Variants in ASTN2 observed in about 807,000 individuals in gnomAD.
The protein encoded by ASTN2 is astrotactin 2.
Under a neutral mutation model 139.8 loss-of-function variants are expected in ASTN2, and 54 were observed. That is an observed-to-expected ratio of 0.39 (90% CI 0.31 to 0.48). The LOEUF (loss-of-function observed/expected upper bound fraction) is 0.48, where lower values mean the gene tolerates loss of function less well. Ranked by LOEUF, ASTN2 falls within the 20% of genes least tolerant of loss-of-function variation. ASTN2 has a pLI of 0.95. For missense variants in ASTN2, 1,565 were observed against 1,725.1 expected, an observed-to-expected ratio of 0.91 and a Z score of 1.64; for synonymous variants, 756 against 719.5, an observed-to-expected ratio of 1.05 and a Z score of -0.81.
At chr9:116,551,331 A>T (rs1180832078) in intron 19 of ASTN2, among the ~76,000 whole-genome samples, 1 of 152,126 alleles carries the variant, frequency 6.6e-6, no homozygotes, top group Non-Finnish European at 1.5e-5. Context: ...CTTCAGAATT[A>T]CCTTTTACTG....
intron 1 of ASTN2, among the ~76,000 whole-genome samples, chr9:117,390,774 C>T (rs1171658292): frequency 6.6e-6 from 1 of 152,180 alleles, no homozygotes; most frequent in Non-Finnish European, 1.5e-5. Flanking sequence ...TTGGTTTCCT[C>T]CACATTTTGA....
intron 17 of ASTN2, among the ~76,000 whole-genome samples, chr9:116,636,941 T>C (rs1857104458): frequency 6.6e-6 from 1 of 152,174 alleles, no homozygotes; most frequent in Non-Finnish European, 1.5e-5. Context: ...AAGCAAGTGC[T>C]CTTTTGCCCT....
chr9:116,512,166 G>T (rs1850418332), intron 19 of ASTN2, among the ~76,000 whole-genome samples: 1 of 152,156 alleles, frequency 6.6e-6, no homozygotes, highest in Non-Finnish European at 1.5e-5. Flanking sequence ...CTCACACACT[G>T]CTTTAAATGT....
intron 19 of ASTN2, among the ~76,000 whole-genome samples, chr9:116,590,578 G>A (rs535245821): frequency 1.9e-4 from 29 of 152,196 alleles, no homozygotes; most frequent in South Asian, 6.2e-4. Context: ...TGTGGAAAGG[G>A]GCAGGTCCCC....
At chr9:117,165,108 G>A (rs964818280) in intron 3 of ASTN2, among the ~76,000 whole-genome samples, 8 of 151,966 alleles carry the variant, frequency 5.3e-5, no homozygotes, top group African/African-American at 1.7e-4. Flanking sequence ...CAGCTCACAT[G>A]GTGGCAATAT....
At chr9:117,206,582 G>C (rs1282180932) in intron 3 of ASTN2, among the ~76,000 whole-genome samples, 1 of 152,142 alleles carries the variant, frequency 6.6e-6, no homozygotes, top group Non-Finnish European at 1.5e-5. Flanking sequence ...CCAGCAATGG[G>C]GCTCCATCTT....
intron 11 of ASTN2, among the ~76,000 whole-genome samples, chr9:116,862,647 T>C (rs1832912011): frequency 6.6e-6 from 1 of 152,058 alleles, no homozygotes; most frequent in African/African-American, 2.4e-5. Context: ...TCTAATCAGC[T>C]CCATTAGGCT....
chr9:116,657,616 G>A (rs897973743), intron 16 of ASTN2, among the ~76,000 whole-genome samples: 1 of 152,224 alleles, frequency 6.6e-6, no homozygotes, highest in African/African-American at 2.4e-5. Context: ...CAAGGCGGGT[G>A]AACCACTTGA....
intron 20 of ASTN2, among the ~76,000 whole-genome samples, chr9:116,460,181 T>C (rs1848444700): frequency 6.6e-6 from 1 of 152,156 alleles, no homozygotes; most frequent in African/African-American, 2.4e-5. Flanking sequence ...TCCACTTATA[T>C]GAAATGTCCA....
At chr9:116,725,587 T>C (rs1267645647) in intron 16 of ASTN2, among the ~76,000 whole-genome samples, 184 bp downstream of exon 16, 1 of 152,096 alleles carries the variant, frequency 6.6e-6, no homozygotes, top group African/African-American at 2.4e-5. Flanking sequence ...AAAATCATTA[T>C]ACGATCCCTC....
In ASTN2 at chr9:117,241,924, AC is replaced by A. The variant is rs373435287; in HGVS notation, c.631-27183del. Among the ~76,000 whole-genome samples the A allele has an allele frequency of 1.9e-3, 239 of 128,176 alleles. 5 individuals carry two copies. Among genetic ancestry groups the A allele is most frequent in the African/African-American group, 5.7e-3 (200 of 35,090 alleles). The allele number at this position is 128,176 out of a possible 152,430, so 84.1% of individuals were successfully genotyped here. A position where few individuals can be genotyped will look rare whatever the true frequency, so the allele number is the denominator to read the frequency against. On this transcript the variant is annotated intron_variant, in intron 2 of 22. Coordinates refer to ENST00000313400, the MANE Select transcript of ASTN2 (RefSeq NM_001365068.1). The stretch of plus-strand genomic sequence containing the variant: ...GCAGACTGAGTAGAACGTGCAAGTT[AC>A]CCCCCCCCACACACACACACACCAC...
rs1443441430 is a variant in ASTN2, at chr9:116,863,694, A to G, written c.1929T>C (p.Asn643=). 10 of 1,614,090 alleles carry G rather than the reference A, an allele frequency of 6.2e-6. No homozygotes were observed. Among genetic ancestry groups the G allele is most frequent in the East Asian group, 2.2e-5 (1 of 44,892 alleles). ...AMLSTYFETI[N]DLLSSFGPVR... is the part of the protein sequence containing the mutation. ...CTGGCCCGAAGGAAGACAGCAGGTC[A>G]TTGATGGTTTCAAAGTATGTGGACA... Residue 643 remains asparagine (N), a synonymous_variant, in exon 11 of 23, where the codon AAT becomes AAC. Coordinates refer to ENST00000313400, the MANE Select transcript of ASTN2 (RefSeq NM_001365068.1).
At chr9:116,779,572 AC>A (rs763774030) in intron 13 of ASTN2, among the ~76,000 whole-genome samples, 4 of 151,550 alleles carry the variant, frequency 2.6e-5, no homozygotes, top group Non-Finnish European at 5.9e-5. Context: ...CTGACCTTTC[AC>A]CTTTGAGTTC....
At chr9:116,632,200 GAAA>G (rs1564169008) in intron 17 of ASTN2, among the ~76,000 whole-genome samples, 559 of 31,998 alleles carry the variant, frequency 0.017, 6 homozygotes, top group East Asian at 0.039. Context: ...GAGAGAGAAA[GAAA>G]GAAAAGAAAG....
At chr9:116,785,440 A>T (rs771174276) in intron 13 of ASTN2, among the ~76,000 whole-genome samples, 103 of 152,244 alleles carry the variant, frequency 6.8e-4, no homozygotes, top group Non-Finnish European at 1.0e-3. Context: ...AGACATGGCC[A>T]GATGATGGCT....
chr9:116,873,671 T>C (rs183425932), intron 10 of ASTN2, among the ~76,000 whole-genome samples: 7 of 152,336 alleles, frequency 4.6e-5, no homozygotes, highest in Admixed American at 1.3e-4. Flanking sequence ...AAATGTCATG[T>C]TGAATTGTAA....
At chr9:116,650,417 G>A (rs1857841611) in intron 17 of ASTN2, among the ~76,000 whole-genome samples, 1 of 152,150 alleles carries the variant, frequency 6.6e-6, no homozygotes. Context: ...ATAATTTCAT[G>A]GCTAAGCATA....
At chr9:116,578,600 C>A (rs1853818858) in intron 19 of ASTN2, among the ~76,000 whole-genome samples, 1 of 148,174 alleles carries the variant, frequency 6.7e-6, no homozygotes, top group African/African-American at 2.5e-5. Context: ...GGATTTGAAC[C>A]CAGGCCGTCT....
At chr9:116,982,475 G>T (rs1295716829) in intron 7 of ASTN2, among the ~76,000 whole-genome samples, 3 of 152,134 alleles carry the variant, frequency 2.0e-5, no homozygotes, top group Non-Finnish European at 1.5e-5. Flanking sequence ...TGCTTAGAAT[G>T]AAAGATGGTC....
Sources: allele counts gnomAD v4.1 joint callset (sites outside exome capture counted in the v4.1 genomes callset), GRCh38; gene constraint gnomAD v4.1.1; transcripts MANE v1.5; gene names NCBI Gene and HGNC (gene_info 2026-07-23, HGNC 2026-07-21).